Variants in POLDIP3 observed in about 807,000 individuals in gnomAD.
The protein encoded by POLDIP3 is polymerase delta-interacting protein 3.
POLDIP3 carries 14 observed loss-of-function variants against 45.1 expected under a neutral mutation model. The ratio of observed to expected loss-of-function variants is 0.31; its 90% confidence interval spans 0.20 to 0.49. The LOEUF is 0.49. Ranked by LOEUF, POLDIP3 falls within the 20% of genes least tolerant of loss-of-function variation. The probability of loss-of-function intolerance (pLI) is 0.99; values close to 1 mark genes in which losing one functional copy is unlikely to be tolerated. For missense variants in POLDIP3, 511 were observed against 538.8 expected (o/e 0.95, Z 0.51); for synonymous variants, 223 against 205.2 (o/e 1.09, Z -0.74).
intron 3 of POLDIP3, among the ~76,000 whole-genome samples, chr22:42,600,263 G>T (rs555202616): frequency 3.3e-5 from 5 of 152,312 alleles, no homozygotes; most frequent in African/African-American, 1.2e-4. Context: ...AACATGTACA[G>T]TAAATATGAA....
chr22:42,604,844 A>G (rs746461170), intron 1 of POLDIP3, among the ~76,000 whole-genome samples: 1 of 152,216 alleles, frequency 6.6e-6, no homozygotes, highest in East Asian at 1.9e-4. Context: ...TGTCCCCCCA[A>G]AATTCCTCTG....
chr22:42,611,823 G>C (rs772672323), intron 1 of POLDIP3, among the ~76,000 whole-genome samples: 11 of 152,232 alleles, frequency 7.2e-5, no homozygotes, highest in Non-Finnish European at 1.5e-4. Flanking sequence ...GTTGCACTGA[G>C]CTGAGATCAT....
chr22:42,585,438 C>G lies in POLDIP3; in HGVS notation c.*353G>C, dbSNP rs942357605. 2.8e-6 allele frequency: 1 copy of G among 359,874 alleles called. No individual in the cohort carries two copies. The highest frequency in any genetic ancestry group is 7.3e-5 in the East Asian group (1 of 13,776). The allele number at this position is 359,874 out of a possible 1,614,324, so 22.3% of individuals were successfully genotyped here. A position where few individuals can be genotyped will look rare whatever the true frequency, so the allele number is the denominator to read the frequency against. ...AGCAGGGTCCTTCAGACAGCCCCCACGCTGCATCCCATGGGGCCACAAGAA... is the reference window on the plus strand; with the variant it reads ...AGCAGGGTCCTTCAGACAGCCCCCAGGCTGCATCCCATGGGGCCACAAGAA... On this transcript the variant is annotated 3_prime_UTR_variant, in exon 9 of 9. Coordinates refer to ENST00000252115, the MANE Select transcript of POLDIP3 (RefSeq NM_032311.5).
intron 1 of POLDIP3, among the ~76,000 whole-genome samples, chr22:42,610,728 C>A (rs764709092): frequency 2.8e-4 from 43 of 152,106 alleles, no homozygotes; most frequent in Admixed American, 5.9e-4. Context: ...CATGGCGAGA[C>A]CTTGTCTCTA....
intron 7 of POLDIP3, among the ~76,000 whole-genome samples, chr22:42,588,072 C>T (rs1413129235): frequency 6.6e-6 from 1 of 152,100 alleles, no homozygotes; most frequent in African/African-American, 2.4e-5. Context: ...ATTTCCATAT[C>T]TTACTCGAGT....
At chr22:42,611,588 G>A (rs1540311) in intron 1 of POLDIP3, among the ~76,000 whole-genome samples, 1 of 152,132 alleles carries the variant, frequency 6.6e-6, no homozygotes, top group Non-Finnish European at 1.5e-5. Context: ...GATTCTTCTA[G>A]GCAGTATGTA....
Position 42,614,675 on chromosome 22 carries a change from G to A in POLDIP3, c.59+124C>T, listed in dbSNP as rs1927364830. 6.5e-6 allele frequency: 7 copies of A among 1,080,454 alleles called. No homozygotes were observed. In the South Asian group the frequency reaches 6.6e-5, roughly 10 times the overall value. The allele number at this position is 1,080,454 out of a possible 1,614,324, so 66.9% of individuals were successfully genotyped here. ...GACGGCGGCAGCCGGCCAATGAGGAGCGCGGCTGTGGTCGGGGGCGGGCGC... is the reference window on the plus strand; with the variant it reads ...GACGGCGGCAGCCGGCCAATGAGGAACGCGGCTGTGGTCGGGGGCGGGCGC... On this transcript the variant is annotated intron_variant, in intron 1 of 8. Transcript: ENST00000252115.
chr22:42,600,134 C>T (rs1437799412), intron 3 of POLDIP3, among the ~76,000 whole-genome samples: 1 of 152,114 alleles, frequency 6.6e-6, no homozygotes, highest in Non-Finnish European at 1.5e-5. Context: ...AATCCAAACC[C>T]TAGAAAGAGC....
chr22:42,602,889 G>A lies in POLDIP3; in HGVS notation c.331C>T (p.Pro111Ser). 1 of 1,613,792 alleles carries A rather than the reference G, an allele frequency of 6.2e-7. No individual in the cohort carries two copies. The highest frequency in any genetic ancestry group is 8.5e-7 in the Non-Finnish European group (1 of 1,179,968). The change falls in exon 2 of 9, where the codon CCC becomes TCC. Residue 111 changes from proline (P) to serine (S), a missense_variant. By Grantham distance (74) the Pro-to-Ser change is moderately conservative. Transcript: ENST00000252115. ...RKQQTTVPQK[P>S]RQVADAREKI... ...TCCCGGGCATCAGCAACCTGGCGGG[G>A]CTTCTGGGGCACCGTGGTCTGCTGC...
At chr22:42,596,408 A>G in intron 4 of POLDIP3, 43 bp from the exon 5 acceptor site, 1 of 1,581,390 alleles carries the variant, frequency 6.3e-7, no homozygotes, top group Non-Finnish European at 8.7e-7. Context: ...CCAGACCTGC[A>G]ATGTTCTGAA....
chr22:42,592,560 G>A (rs1056606619), intron 6 of POLDIP3, among the ~76,000 whole-genome samples: 3 of 152,182 alleles, frequency 2.0e-5, no homozygotes, highest in African/African-American at 7.2e-5. Flanking sequence ...GAAACCAGGA[G>A]AGTCCCCAGC....
At chr22:42,599,283 C>T (rs1425726547) in intron 4 of POLDIP3, among the ~76,000 whole-genome samples, 3 of 152,200 alleles carry the variant, frequency 2.0e-5, no homozygotes, top group Admixed American at 2.0e-4. Context: ...TCTTACGGCC[C>T]AAACAAAGAA....
chr22:42,606,230 T>A (rs1926717658), intron 1 of POLDIP3, among the ~76,000 whole-genome samples: 1 of 151,538 alleles, frequency 6.6e-6, no homozygotes, highest in Non-Finnish European at 1.5e-5. Flanking sequence ...TTTTTTTTTT[T>A]AAGAAACAAG....
intron 7 of POLDIP3, 26 bp from the exon 8 acceptor site, chr22:42,587,598 C>A: frequency 6.2e-7 from 1 of 1,602,236 alleles, no homozygotes; most frequent in East Asian, 2.2e-5. Flanking sequence ...AAGAAAAAGG[C>A]TCTGCTATGA....
intron 6 of POLDIP3, among the ~76,000 whole-genome samples, chr22:42,594,841 G>T (rs1189301680): frequency 6.6e-6 from 1 of 152,180 alleles, no homozygotes; most frequent in Non-Finnish European, 1.5e-5. Context: ...GAATCATCTT[G>T]TAATACCTCC....
At chr22:42,597,687 G>C in intron 4 of POLDIP3, 1 of 469,782 alleles carries the variant, frequency 2.1e-6, no homozygotes, top group Non-Finnish European at 4.4e-6. Context: ...CAAGCTGATA[G>C]TTCCCTTGAT....
chr22:42,588,402 C>T (rs1316606877), intron 7 of POLDIP3, among the ~76,000 whole-genome samples: 1 of 145,934 alleles, frequency 6.9e-6, no homozygotes, highest in Admixed American at 7.0e-5. Context: ...TTGCAGTGAG[C>T]AGAGACCACA....
intron 6 of POLDIP3, among the ~76,000 whole-genome samples, chr22:42,594,612 C>T (rs995156763): frequency 4.6e-5 from 7 of 152,226 alleles, no homozygotes; most frequent in Admixed American, 1.3e-4. Context: ...ATTCTCCAAA[C>T]GTATTCATTT....
At chr22:42,594,371 C>T (rs1925856015) in intron 6 of POLDIP3, among the ~76,000 whole-genome samples, 1 of 151,516 alleles carries the variant, frequency 6.6e-6, no homozygotes, top group Admixed American at 6.6e-5. Context: ...ATTAGCCAGG[C>T]GTAGTGGCAG....
Sources: allele counts gnomAD v4.1 joint callset (sites outside exome capture counted in the v4.1 genomes callset), GRCh38; gene constraint gnomAD v4.1.1; transcripts MANE v1.5; gene names NCBI Gene and HGNC (gene_info 2026-07-23, HGNC 2026-07-21).